APP: variants seen among roughly 807,000 people sequenced by gnomAD.
APP encodes the protein amyloid-beta precursor protein.
APP carries 31 observed loss-of-function variants against 101.4 expected under a neutral mutation model. That is an observed-to-expected ratio of 0.31 (90% CI 0.23 to 0.41). APP has a LOEUF of 0.41. Among genes scored for constraint, APP ranks in the 10% least tolerant of loss-of-function variants. The pLI, the probability that APP is intolerant of heterozygous loss-of-function variation, is 1.00. For synonymous variants in APP, 366 were observed against 364.4 expected (o/e 1.00, Z -0.05); for missense variants, 839 against 1,003.7 (o/e 0.84, Z 2.22).
chr21:26,056,451 T>A (rs140982054), intron 3 of APP, among the ~76,000 whole-genome samples: 195 of 152,320 alleles, frequency 1.3e-3, no homozygotes, highest in African/African-American at 4.6e-3. Flanking sequence ...TACTCTTACT[T>A]TCATCTGGCA....
intron 11 of APP, among the ~76,000 whole-genome samples, chr21:25,957,850 G>A (rs1402230625): frequency 6.6e-6 from 1 of 152,180 alleles, no homozygotes; most frequent in East Asian, 1.9e-4. Context: ...TAGGTGCAGT[G>A]ACACATGCCT....
At chr21:26,065,851 C>T (rs750016310) in intron 3 of APP, among the ~76,000 whole-genome samples, 3 of 151,896 alleles carry the variant, frequency 2.0e-5, no homozygotes, top group African/African-American at 4.8e-5. Flanking sequence ...TTCCAACATT[C>T]GTTAAAAGAT....
At position 26,000,027 on chromosome 21, in the gene APP, A is replaced by C. The variant is rs746740645; in HGVS notation, c.1021T>G (p.Cys341Gly). Reference sequence around the variant, plus strand: ...AGGGTCCACTTACTGGCGCTGCCACACACGGCCATGCAGTACTCTTCTGTG... The same window carrying C: ...AGGGTCCACTTACTGGCGCTGCCACCCACGGCCATGCAGTACTCTTCTGTG... ...FDTEEYCMAVCGSAMSQSLLK... is the reference protein window; with the variant it reads ...FDTEEYCMAVGGSAMSQSLLK... Residue 341 changes from cysteine (C) to glycine (G), a missense_variant, in exon 7 of 18, where the codon TGT (cysteine) becomes GGT (glycine). By Grantham distance (159) the Cys-to-Gly change is radical. Transcript: ENST00000346798. 1 of 1,614,120 alleles carries C rather than the reference A, an allele frequency of 6.2e-7. No homozygotes were observed. The highest frequency in any genetic ancestry group is 8.5e-7 in the Non-Finnish European group (1 of 1,180,002).
intron 1 of APP, among the ~76,000 whole-genome samples, chr21:26,118,987 T>C (rs1240697465): frequency 6.6e-6 from 1 of 152,178 alleles, no homozygotes; most frequent in Non-Finnish European, 1.5e-5. Flanking sequence ...CTTGTGAACA[T>C]GCAGATAGAA....
At chr21:26,117,732 AAAAT>A (rs1239537855) in intron 1 of APP, among the ~76,000 whole-genome samples, 1 of 152,224 alleles carries the variant, frequency 6.6e-6, no homozygotes. Flanking sequence ...TTAAAAAAGA[AAAAT>A]AAAATGTGAT....
intron 3 of APP, among the ~76,000 whole-genome samples, chr21:26,069,563 T>C (rs564975232): frequency 2.0e-5 from 3 of 152,260 alleles, no homozygotes; most frequent in African/African-American, 7.2e-5. Context: ...CCACATGCTT[T>C]TGATGCCCAG....
intron 1 of APP, among the ~76,000 whole-genome samples, chr21:26,127,763 C>T (rs960231434): frequency 6.6e-6 from 1 of 152,202 alleles, no homozygotes; most frequent in Non-Finnish European, 1.5e-5. Context: ...ATAGTAACAT[C>T]CCACCTCACA....
At position 25,954,872 on chromosome 21, in the gene APP, TA is replaced by T. The variant is rs5843188; in HGVS notation, c.1588-184del. On this transcript the variant is annotated intron_variant, in intron 12 of 17. Coordinates refer to ENST00000346798, the MANE Select transcript of APP (RefSeq NM_000484.4). ...AAAACTGACAAAACACTGCTACTGT[TA>T]AAAAGGTTGAACTGAAAGGGCAACT... 1 allele frequency among the ~76,000 whole-genome samples: 152,043 copies of T among 152,044 alleles called. 76,021 individuals carry two copies. Among genetic ancestry groups the T allele is most frequent in the Middle Eastern group, 1 (294 of 294 alleles).
chr21:25,978,905 T>C (rs920503416), intron 9 of APP, among the ~76,000 whole-genome samples: 3 of 152,178 alleles, frequency 2.0e-5, no homozygotes, highest in East Asian at 1.9e-4. Flanking sequence ...TGAGTCTAGA[T>C]TGTGCCACTG....
At chr21:26,129,040 T>C (rs761485334) in intron 1 of APP, among the ~76,000 whole-genome samples, 4 of 152,052 alleles carry the variant, frequency 2.6e-5, no homozygotes, top group Admixed American at 6.6e-5. Flanking sequence ...ACATGAAGAA[T>C]TGAGAGCAAG....
intron 6 of APP, among the ~76,000 whole-genome samples, chr21:26,003,094 A>C (rs562653883): frequency 6.6e-6 from 1 of 152,362 alleles, no homozygotes; most frequent in South Asian, 2.1e-4. Flanking sequence ...CCACTAATTA[A>C]ACATAATGCT....
chr21:26,013,505 A>C (rs1428724853), intron 6 of APP, among the ~76,000 whole-genome samples: 1 of 146,358 alleles, frequency 6.8e-6, no homozygotes, highest in African/African-American at 2.5e-5. Flanking sequence ...AAAGCAACTG[A>C]TTTGGGGAAA....
chr21:26,168,342 C>A (rs1184652549), intron 1 of APP, among the ~76,000 whole-genome samples: 1 of 152,150 alleles, frequency 6.6e-6, no homozygotes, highest in Non-Finnish European at 1.5e-5. Context: ...TCAGTGGACA[C>A]AGAGAGAACC....
rs573378710 is a variant in APP, at chr21:25,995,663, T to C, written c.1090+1697A>G. Among the ~76,000 whole-genome samples the C allele has an allele frequency of 5.9e-5, 9 of 152,368 alleles. No individual in the cohort carries two copies. In the South Asian group the frequency reaches 1.7e-3, roughly 28 times the overall value. On this transcript the variant is annotated intron_variant, in intron 8 of 17. Coordinates refer to ENST00000346798, the MANE Select transcript of APP (RefSeq NM_000484.4). The stretch of plus-strand genomic sequence containing the variant: ...TACCTATGTCAACACTATAGTGGAA[T>C]AGCTAGAGCTTTTTCCTAGTCTGTC...
intron 5 of APP, 48 bp from the exon 6 acceptor site, chr21:26,022,090 CA>C (rs1875858763): frequency 6.2e-7 from 1 of 1,601,530 alleles, no homozygotes. Flanking sequence ...AAACACATTT[CA>C]GGGAAGGAAA....
intron 17 of APP, among the ~76,000 whole-genome samples, chr21:25,882,289 T>A (rs918839491): frequency 1.3e-5 from 2 of 150,996 alleles, no homozygotes; most frequent in African/African-American, 2.4e-5. Flanking sequence ...CTATCAAATT[T>A]TATGTTTGTT....
chr21:26,036,512 T>C (rs1201000331), intron 5 of APP, among the ~76,000 whole-genome samples: 1 of 152,198 alleles, frequency 6.6e-6, no homozygotes, highest in Non-Finnish European at 1.5e-5. Context: ...TGTACTGGTA[T>C]TCTGCTGGGC....
intron 1 of APP, among the ~76,000 whole-genome samples, chr21:26,169,951 GGGCTA>G (rs2063706072): frequency 6.6e-6 from 1 of 152,262 alleles, no homozygotes; most frequent in South Asian, 2.1e-4. Context: ...ACGCCGGCTC[GGGCTA>G]GGGTCGCACC....
chr21:25,924,440 AG>A (rs1157813192), intron 13 of APP, among the ~76,000 whole-genome samples: 1 of 135,926 alleles, frequency 7.4e-6, no homozygotes, highest in Non-Finnish European at 1.6e-5. Context: ...AAAAAAAAAA[AG>A]GTTGAGTTCA....
Sources: gnomAD v4.1 joint callset for allele counts (sites outside exome capture counted in the v4.1 genomes callset) on GRCh38, gnomAD v4.1.1 for gene constraint, MANE v1.5 for transcripts, NCBI Gene and HGNC (gene_info 2026-07-23, HGNC 2026-07-21) for gene names.